Variants in GCC2 observed in about 807,000 individuals in gnomAD.
GCC2 encodes the protein GRIP and coiled-coil domain containing 2.
Under a neutral mutation model 210.6 loss-of-function variants are expected in GCC2, and 120 were observed. The observed-to-expected ratio is 0.57, with a 90% CI of 0.49 to 0.66. The LOEUF is 0.66. Among genes scored for constraint, GCC2 ranks in the 30% least tolerant of loss-of-function variants. The probability of loss-of-function intolerance (pLI) is 0.00; values close to 1 mark genes in which losing one functional copy is unlikely to be tolerated. For synonymous variants in GCC2, 703 were observed against 652.7 expected (o/e 1.08, Z -1.17); for missense variants, 1,868 against 1,871.9 (o/e 1.00, Z 0.04).
At position 108,482,964 on chromosome 2, in the gene GCC2, GAC is replaced by G. The variant is rs1377722954; in HGVS notation, c.3346-95_3346-94del. 1.3e-5 allele frequency: 9 copies of G among 682,012 alleles called. No homozygotes were observed. The East Asian group carries it at 2.6e-4, about 19-fold the overall frequency. The allele number at this position is 682,012 out of a possible 1,614,324, so 42.2% of individuals were successfully genotyped here. A position where few individuals can be genotyped will look rare whatever the true frequency, so the allele number is the denominator to read the frequency against. On this transcript the variant is annotated intron_variant, in intron 11 of 22. Transcript: ENST00000309863. The stretch of plus-strand genomic sequence containing the variant: ...CAAAGTGCTGGGATTACAGGTGTGA[GAC>G]ACCACGCCCGGCCGTCAGATTTATT...
intron 16 of GCC2, among the ~76,000 whole-genome samples, chr2:108,487,224 G>A (rs1249078972): frequency 2.0e-5 from 3 of 152,190 alleles, no homozygotes; most frequent in Non-Finnish European, 4.4e-5. Context: ...GATATCATAA[G>A]AGAAAATGTT....
intron 3 of GCC2, among the ~76,000 whole-genome samples, chr2:108,451,509 C>A (rs185974057): frequency 4.6e-5 from 7 of 152,162 alleles, no homozygotes; most frequent in Admixed American, 4.6e-4. Flanking sequence ...TAATAAAAGA[C>A]TTCCATTTAC....
At chr2:108,481,198 AGT>A (rs968032141) in intron 9 of GCC2, among the ~76,000 whole-genome samples, 5 of 152,216 alleles carry the variant, frequency 3.3e-5, no homozygotes, top group African/African-American at 1.2e-4. Flanking sequence ...AAATATTGAA[AGT>A]GTCACTGCAG....
intron 4 of GCC2, among the ~76,000 whole-genome samples, chr2:108,465,832 C>A (rs1371544255): frequency 6.6e-6 from 1 of 152,152 alleles, no homozygotes; most frequent in Non-Finnish European, 1.5e-5. Context: ...GTTCCCTTTT[C>A]CCCACATCCA....
Position 108,471,089 on chromosome 2 carries a change from GA to G in GCC2, c.1763del (p.Lys588ArgfsTer2), listed in dbSNP as rs756971621. 1 of 1,581,430 alleles carries G rather than the reference GA, an allele frequency of 6.3e-7. No homozygotes were observed. Among genetic ancestry groups the G allele is most frequent in the Non-Finnish European group, 8.7e-7 (1 of 1,154,978 alleles). Reference sequence around the variant, plus strand: ...GATACCATGTTAAAAGAATTAGAAGGAAAGATAAATTCTCTTACTGAGGAAA... The same window carrying G: ...GATACCATGTTAAAAGAATTAGAAGGAAGATAAATTCTCTTACTGAGGAAA... Reference protein sequence around the residue: ...QRDTMLKELEGKINSLTEEKD... With the variant: ...QRDTMLKELEXKINSLTEEKD... On this transcript the variant is annotated frameshift_variant, in exon 6 of 23. Transcript: ENST00000309863. LOFTEE classifies it high-confidence loss of function.
At chr2:108,457,939 G>A (rs1296690605) in intron 4 of GCC2, among the ~76,000 whole-genome samples, 1 of 152,108 alleles carries the variant, frequency 6.6e-6, no homozygotes, top group African/African-American at 2.4e-5. Flanking sequence ...TAATTGTTCT[G>A]GCTAGGACTG....
chr2:108,487,473 C>T (rs902473216), intron 16 of GCC2, among the ~76,000 whole-genome samples: 1 of 152,098 alleles, frequency 6.6e-6, no homozygotes, highest in Admixed American at 6.6e-5. Flanking sequence ...ATATCACATG[C>T]ACCCCATAAA....
chr2:108,475,560 AAAG>A lies in GCC2; in HGVS notation c.2887_2889del (p.Lys963del), dbSNP rs1409395750. 1.5e-5 allele frequency: 23 copies of A among 1,498,734 alleles called. No individual in the cohort carries two copies. Among genetic ancestry groups the A allele is most frequent in the Non-Finnish European group, 2.0e-5 (22 of 1,112,904 alleles). The allele number at this position is 1,498,734 out of a possible 1,614,324, so 92.8% of individuals were successfully genotyped here. On this transcript the variant is annotated inframe_deletion, in exon 8 of 23. Transcript: ENST00000309863. ...AAAATCTGGAAAAAGAATGCAAAGAAAAGGAGGAGAAAATAAATAAGATAAAAT... is the reference window on the plus strand; with the variant it reads ...AAAATCTGGAAAAAGAATGCAAAGAAGAGGAGAAAATAAATAAGATAAAAT...
In GCC2 at chr2:108,470,859, A is replaced by G. The variant is rs752697494; in HGVS notation, c.1530A>G (p.Gln510=). Residue 510 remains glutamine (Q), a synonymous_variant, in exon 6 of 23, where the codon CAA becomes CAG. Coordinates refer to ENST00000309863, the MANE Select transcript of GCC2 (RefSeq NM_181453.4). ...GTCAAGAGTTCGAATCAATGAAGCAACAGCAAGCATCTGATGTTCATGAAC... is the reference window on the plus strand; with the variant it reads ...GTCAAGAGTTCGAATCAATGAAGCAGCAGCAAGCATCTGATGTTCATGAAC... ...KISQEFESMK[Q]QQASDVHELQ... 7.4e-6 allele frequency: 12 copies of G among 1,613,756 alleles called. No homozygotes were observed. Among genetic ancestry groups the G allele is most frequent in the African/African-American group, 1.3e-5 (1 of 74,898 alleles).
At chr2:108,476,511 CA>C (rs1397963594) in intron 9 of GCC2, among the ~76,000 whole-genome samples, 1 of 151,982 alleles carries the variant, frequency 6.6e-6, no homozygotes, top group Non-Finnish European at 1.5e-5. Context: ...CAAGGTGAAG[CA>C]TTGTTATTTG....
At chr2:108,469,620 A>G (rs1681077898) in intron 5 of GCC2, 31 bp from the exon 6 acceptor site, 2 of 1,498,330 alleles carry the variant, frequency 1.3e-6, no homozygotes, top group East Asian at 2.3e-5. Context: ...TCTTACTTAA[A>G]TAATTTATGT....
chr2:108,474,517 G>A (rs1186488661), intron 7 of GCC2, among the ~76,000 whole-genome samples: 1 of 152,162 alleles, frequency 6.6e-6, no homozygotes, highest in Non-Finnish European at 1.5e-5. Context: ...GAAAAAAATG[G>A]GGGAGGCAAT....
intron 4 of GCC2, among the ~76,000 whole-genome samples, chr2:108,462,370 T>C (rs1198558217): frequency 6.9e-6 from 1 of 143,894 alleles, no homozygotes; most frequent in Non-Finnish European, 1.5e-5. Flanking sequence ...GGTGGGCGCC[T>C]GTAGTCCCAG....
chr2:108,463,737 G>T (rs1170957049), intron 4 of GCC2, among the ~76,000 whole-genome samples: 1 of 152,170 alleles, frequency 6.6e-6, no homozygotes, highest in Non-Finnish European at 1.5e-5. Context: ...GGGTTCTTGA[G>T]CCCCTGGGCA....
At chr2:108,504,493 G>A (rs1432572965) in intron 22 of GCC2, among the ~76,000 whole-genome samples, 2 of 152,176 alleles carry the variant, frequency 1.3e-5, no homozygotes, top group African/African-American at 4.8e-5. Flanking sequence ...AAGGTAAAGT[G>A]ACTTAGAGTG....
intron 20 of GCC2, 186 bp downstream of exon 20, chr2:108,495,671 G>A (rs933005468): frequency 2.6e-4 from 99 of 385,714 alleles, no homozygotes; most frequent in Non-Finnish European, 4.0e-4. Context: ...TGGATGGATG[G>A]GATGGATGGA....
At position 108,485,659 on chromosome 2, in the gene GCC2, C is replaced by G; in HGVS notation, c.3637C>G (p.Gln1213Glu). 1.3e-6 allele frequency: 2 copies of G among 1,580,412 alleles called. No individual in the cohort carries two copies. The highest frequency in any genetic ancestry group is 1.7e-6 in the Non-Finnish European group (2 of 1,162,212). Reference sequence around the variant, plus strand: ...AGCTTCATTACAGTCTTCAGTACAACAATATGAAGAAAAAAACACCAAAAT... The same window carrying G: ...AGCTTCATTACAGTCTTCAGTACAAGAATATGAAGAAAAAAACACCAAAAT... The part of the protein sequence containing the change: ...EITSLQSSVQ[Q>E]YEEKNTKIKQ... Residue 1213 changes from glutamine to glutamate, a missense_variant, in exon 14 of 23, where the codon CAA (glutamine) becomes GAA (glutamate). By Grantham distance (29) the Gln-to-Glu change is conservative. This residue lies in a region of GCC2 where 1,847 missense variants were observed against 1,765.2 expected (regional missense o/e 1.05). Coordinates refer to ENST00000309863, the MANE Select transcript of GCC2 (RefSeq NM_181453.4).
chr2:108,458,374 CTTT>C (rs70956257), intron 4 of GCC2, among the ~76,000 whole-genome samples: 4 of 100,304 alleles, frequency 4.0e-5, no homozygotes, highest in South Asian at 3.3e-4. Flanking sequence ...TTGTTGCTTT[CTTT>C]TTTTTTTTTT....
At chr2:108,454,619 G>A (rs1680150046) in intron 4 of GCC2, among the ~76,000 whole-genome samples, 2 of 152,186 alleles carry the variant, frequency 1.3e-5, no homozygotes, top group Non-Finnish European at 2.9e-5. Flanking sequence ...CACCCAGACT[G>A]CCTGAGTCAG....
Sources: allele counts gnomAD v4.1 joint callset (sites outside exome capture counted in the v4.1 genomes callset), GRCh38; gene constraint gnomAD v4.1.1; regional missense constraint gnomAD v4.1.1; transcripts MANE v1.5; gene names NCBI Gene and HGNC (gene_info 2026-07-23, HGNC 2026-07-21).